The following CSMD3 variants were observed in gnomAD, a reference collection of about 807,000 sequenced individuals.
CSMD3 encodes CUB and sushi domain-containing protein 3.
A neutral mutation model predicts 435.2 loss-of-function variants in CSMD3; 177 were observed. The ratio of observed to expected loss-of-function variants is 0.41; its 90% confidence interval spans 0.36 to 0.46. The LOEUF is 0.46. Ranked by LOEUF, CSMD3 falls within the 20% of genes least tolerant of loss-of-function variation. The probability of loss-of-function intolerance (pLI) is 0.34; values close to 1 mark genes in which losing one functional copy is unlikely to be tolerated. For synonymous variants in CSMD3, 1,656 were observed against 1,520.5 expected, an observed-to-expected ratio of 1.09 and a Z score of -2.07; for missense variants, 4,265 against 4,504.6, an observed-to-expected ratio of 0.95 and a Z score of 1.52.
intron 3 of CSMD3, among the ~76,000 whole-genome samples, chr8:113,255,750 ATAT>A (rs1413336783): frequency 6.6e-6 from 1 of 151,952 alleles, no homozygotes; most frequent in African/African-American, 2.4e-5. Flanking sequence ...AAATATACTG[ATAT>A]TATAATTTTT....
At chr8:112,549,904 T>C (rs1470286082) in intron 27 of CSMD3, among the ~76,000 whole-genome samples, 1 of 152,036 alleles carries the variant, frequency 6.6e-6, no homozygotes, top group Non-Finnish European at 1.5e-5. Flanking sequence ...CATAGAAACA[T>C]TGACACATTT....
chr8:112,878,362 A>G (rs2081349345), intron 10 of CSMD3, among the ~76,000 whole-genome samples: 1 of 152,172 alleles, frequency 6.6e-6, no homozygotes, highest in Admixed American at 6.5e-5. Context: ...CAAAACCACA[A>G]TGATATACCA....
intron 38 of CSMD3, among the ~76,000 whole-genome samples, chr8:112,370,154 A>G (rs1418589126): frequency 1.3e-5 from 2 of 152,156 alleles, no homozygotes; most frequent in Admixed American, 1.3e-4. Context: ...CCATAGTCAT[A>G]CAAAGTGATC....
intron 9 of CSMD3, among the ~76,000 whole-genome samples, chr8:112,935,764 G>A (rs1340061670): frequency 4.0e-5 from 6 of 151,730 alleles, no homozygotes; most frequent in African/African-American, 1.5e-4. Context: ...CTAACTGCAA[G>A]GGGGAAGTCA....
At chr8:112,635,273 A>G (rs2074625671) in intron 22 of CSMD3, among the ~76,000 whole-genome samples, 1 of 152,096 alleles carries the variant, frequency 6.6e-6, no homozygotes, top group African/African-American at 2.4e-5. Flanking sequence ...CTAACTCATA[A>G]CAATGAGTTA....
chr8:112,402,838 A>C (rs1831453581), intron 35 of CSMD3, among the ~76,000 whole-genome samples: 1 of 152,170 alleles, frequency 6.6e-6, no homozygotes, highest in Non-Finnish European at 1.5e-5. Flanking sequence ...ACTAATTTTC[A>C]CAGACATATA....
At chr8:113,302,710 AC>A (rs2093783081) in intron 2 of CSMD3, among the ~76,000 whole-genome samples, 1 of 150,710 alleles carries the variant, frequency 6.6e-6, no homozygotes, top group Non-Finnish European at 1.5e-5. Flanking sequence ...AAATTCAACA[AC>A]CCTTCATGCT....
chr8:113,020,068 C>T (rs947089150), intron 5 of CSMD3, among the ~76,000 whole-genome samples: 5 of 146,134 alleles, frequency 3.4e-5, no homozygotes, highest in African/African-American at 1.3e-4. Flanking sequence ...GAGGCTGAGG[C>T]AGGAGAATGG....
chr8:112,294,580 T>C (rs1820081557), intron 54 of CSMD3, among the ~76,000 whole-genome samples: 1 of 152,100 alleles, frequency 6.6e-6, no homozygotes, highest in African/African-American at 2.4e-5. Flanking sequence ...TCAGCTCTAT[T>C]TTTATTTTCA....
chr8:113,436,286 G>A (rs1042990490), intron 1 of CSMD3, among the ~76,000 whole-genome samples: 1 of 152,148 alleles, frequency 6.6e-6, no homozygotes, highest in Admixed American at 6.5e-5. Context: ...ATTTAGACCA[G>A]CGTCTTTAAT....
intron 3 of CSMD3, among the ~76,000 whole-genome samples, chr8:113,263,236 G>A (rs781100883): frequency 7.9e-5 from 12 of 151,838 alleles, no homozygotes; most frequent in Non-Finnish European, 1.5e-4. Flanking sequence ...AAGATGACAG[G>A]CAGTCAAAGA....
chr8:112,781,663 C>A (rs937633483), intron 13 of CSMD3, among the ~76,000 whole-genome samples: 6 of 152,068 alleles, frequency 3.9e-5, no homozygotes, highest in Non-Finnish European at 8.8e-5. Context: ...CCCAACATAG[C>A]CCCAGTGGTG....
At chr8:112,451,153 G>C (rs1447760152) in intron 32 of CSMD3, among the ~76,000 whole-genome samples, 1 of 151,944 alleles carries the variant, frequency 6.6e-6, no homozygotes, top group Non-Finnish European at 1.5e-5. Context: ...TATAAATGAT[G>C]GATATTTTAT....
rs186937657 is a variant in CSMD3, at chr8:112,914,229, C to A, written c.1633+7398G>T. Among the ~76,000 whole-genome samples the A allele has an allele frequency of 9.0e-3, 1,361 of 151,878 alleles. 11 individuals are homozygous for A. Among genetic ancestry groups the A allele is most frequent in the Non-Finnish European group, 0.015 (999 of 67,920 alleles). On this transcript the variant is annotated intron_variant, in intron 10 of 70. Transcript: ENST00000297405. ...CCTTTGTTTTGAATTGTCTTTATGACAAATATTGACTGTGCAACCATGCCT... is the reference window on the plus strand; with the variant it reads ...CCTTTGTTTTGAATTGTCTTTATGAAAAATATTGACTGTGCAACCATGCCT...
At chr8:113,363,821 T>C (rs936530546) in intron 1 of CSMD3, among the ~76,000 whole-genome samples, 1 of 152,210 alleles carries the variant, frequency 6.6e-6, no homozygotes, top group Non-Finnish European at 1.5e-5. Context: ...ACCTGGTATC[T>C]CTGACTATAC....
chr8:112,616,962 G>A (rs890108370), intron 22 of CSMD3, among the ~76,000 whole-genome samples: 3 of 152,112 alleles, frequency 2.0e-5, no homozygotes, highest in Non-Finnish European at 4.4e-5. Flanking sequence ...ATTGGAAAAG[G>A]CCTGGTGGCA....
intron 3 of CSMD3, among the ~76,000 whole-genome samples, chr8:113,177,633 T>C (rs994357429): frequency 6.6e-6 from 1 of 151,962 alleles, no homozygotes; most frequent in Non-Finnish European, 1.5e-5. Context: ...AGCGGGCAGG[T>C]TGATGAACTG....
chr8:112,335,448 T>C lies in CSMD3; in HGVS notation c.7046A>G (p.Gln2349Arg), dbSNP rs1303444467. 1 of 1,614,042 alleles carries C rather than the reference T, an allele frequency of 6.2e-7. No individual in the cohort carries two copies. The highest frequency in any genetic ancestry group is 8.5e-7 in the Non-Finnish European group (1 of 1,179,962). ...VWDGPDQNSP[Q>R]IGQFSGNTAL... ...GGTATTGCCACTGAACTGACCGATCTGAGGTGAATTTTGGTCTGGTCCATC... is the reference window on the plus strand; with the variant it reads ...GGTATTGCCACTGAACTGACCGATCCGAGGTGAATTTTGGTCTGGTCCATC... Residue 2349 changes from glutamine (Q) to arginine (R), a missense_variant, in exon 45 of 71, where the codon CAG becomes CGG. Gln to Arg is a conservative substitution (Grantham distance 43). Transcript: ENST00000297405.
intron 66 of CSMD3, among the ~76,000 whole-genome samples, chr8:112,240,321 A>G (rs1381520893): frequency 6.6e-6 from 1 of 152,076 alleles, no homozygotes. Flanking sequence ...TATTATTCAG[A>G]GTTTCCACCT....
Sources: allele counts gnomAD v4.1 joint callset (sites outside exome capture counted in the v4.1 genomes callset), GRCh38; gene constraint gnomAD v4.1.1; transcripts MANE v1.5; gene names NCBI Gene and HGNC (gene_info 2026-07-23, HGNC 2026-07-21).